Variants in UNC80 observed in about 807,000 individuals in gnomAD.
The protein encoded by UNC80 is protein unc-80 homolog.
In UNC80, 164 loss-of-function variants were observed where a neutral mutation model predicts 384.6. The ratio of observed to expected loss-of-function variants is 0.43; its 90% CI spans 0.38 to 0.49. UNC80 has a LOEUF of 0.49. UNC80 is among the 20% of genes least tolerant of loss of function. The pLI is 0.00. For synonymous variants in UNC80, 1,486 were observed against 1,527.8 expected, an observed-to-expected ratio of 0.97 and a Z score of 0.64; for missense variants, 3,330 against 4,143.0, an observed-to-expected ratio of 0.80 and a Z score of 5.39.
At chr2:209,909,489 T>G (rs1393085044) in intron 29 of UNC80, among the ~76,000 whole-genome samples, 1 of 152,162 alleles carries the variant, frequency 6.6e-6, no homozygotes, top group African/African-American at 2.4e-5. Context: ...TTTTATCCCC[T>G]GGCCAGCTCC....
At chr2:209,914,128 A>G (rs368535021) in intron 31 of UNC80, among the ~76,000 whole-genome samples, 188 bp downstream of exon 31, 99 of 152,310 alleles carry the variant, frequency 6.5e-4, no homozygotes, top group African/African-American at 2.2e-3. Flanking sequence ...CTCCCTTCCA[A>G]TTTCACCATA....
In UNC80 at chr2:209,777,430, T is replaced by G; in HGVS notation, c.471T>G (p.Ser157=). The change falls in exon 4 of 65, where the codon TCT becomes TCG. Residue 157 remains serine, a synonymous_variant. Transcript: ENST00000673920. The part of the protein sequence containing the change: ...AFIHQVENQG[S]PGQPCQSSSN... ...TCCACCAGGTTGAAAACCAGGGTTC[T>G]CCAGGGCAGCCTTGCCAAAGCAGCT... The G allele has an allele frequency of 1.2e-6, 2 of 1,614,174 alleles. No individual in the cohort carries two copies. The highest frequency in any genetic ancestry group is 8.5e-7 in the Non-Finnish European group (1 of 1,180,032).
chr2:209,780,167 G>T (rs2077077520), intron 4 of UNC80, among the ~76,000 whole-genome samples: 1 of 152,158 alleles, frequency 6.6e-6, no homozygotes, highest in Non-Finnish European at 1.5e-5. Flanking sequence ...TCTCCCTTCA[G>T]GAGTGACTAC....
In UNC80 at chr2:209,817,132, AC is replaced by A. The variant is rs773916655; in HGVS notation, c.1552+8del. On this transcript the variant is annotated splice_region_variant and intron_variant, in intron 10 of 64. Transcript: ENST00000673920. The stretch of plus-strand genomic sequence containing the variant: ...TGGCAAACCACCATTTTAGGTGACC[AC>A]AAGGCCTTCCAAAATAGGGCAGAGT... 2 of 1,550,938 alleles carry A rather than the reference AC, an allele frequency of 1.3e-6. No individual in the cohort carries two copies. The highest frequency in any genetic ancestry group is 2.7e-5 in the African/African-American group (2 of 73,030).
intron 2 of UNC80, among the ~76,000 whole-genome samples, chr2:209,775,286 C>G (rs944519546): frequency 1.3e-5 from 2 of 152,048 alleles, no homozygotes; most frequent in African/African-American, 2.4e-5. Context: ...TCCTCCCTCC[C>G]TCCTTCCTGC....
chr2:209,972,245 C>T lies in UNC80; in HGVS notation c.8301C>T (p.Phe2767=), dbSNP rs1298857251. Residue 2767 remains phenylalanine, a synonymous_variant, in exon 55 of 65, where the codon TTC becomes TTT. Coordinates refer to ENST00000673920, the MANE Select transcript of UNC80 (RefSeq NM_001371986.1). ...DFPLSHVISP[F]TNQERREGML... Reference sequence around the variant, plus strand: ...CTTTAAGCCATGTGATCTCCCCATTCACCAATCAAGAGCGAAGGGAGGGGA... The same window carrying T: ...CTTTAAGCCATGTGATCTCCCCATTTACCAATCAAGAGCGAAGGGAGGGGA... The T allele has an allele frequency of 1.3e-6, 2 of 1,551,522 alleles. No individual in the cohort carries two copies. The highest frequency in any genetic ancestry group is 4.9e-5 in the East Asian group (2 of 40,914).
At chr2:209,955,996 G>A (rs1024718858) in intron 48 of UNC80, among the ~76,000 whole-genome samples, 3 of 151,414 alleles carry the variant, frequency 2.0e-5, no homozygotes, top group Non-Finnish European at 4.4e-5. Context: ...CACCCACCTC[G>A]GCCTCCTAAA....
intron 23 of UNC80, among the ~76,000 whole-genome samples, chr2:209,876,334 C>T (rs1323036783): frequency 6.6e-6 from 1 of 152,186 alleles, no homozygotes; most frequent in Admixed American, 6.5e-5. Context: ...TAACAACTTA[C>T]TCAACTTTAT....
intron 26 of UNC80, among the ~76,000 whole-genome samples, chr2:209,893,323 A>C (rs1226999970): frequency 6.6e-6 from 1 of 152,212 alleles, no homozygotes; most frequent in Admixed American, 6.5e-5. Context: ...GTGTGAAAAC[A>C]CCAAATCTTG....
chr2:209,933,691 A>T, intron 38 of UNC80, 131 bp from the exon 39 acceptor site: 1 of 691,494 alleles, frequency 1.4e-6, no homozygotes, highest in Non-Finnish European at 2.3e-6. Context: ...TGAAAGTGTT[A>T]GAGAAGCATC....
intron 22 of UNC80, chr2:209,869,033 T>C (rs2084074141): frequency 6.6e-6 from 1 of 152,208 alleles, no homozygotes; most frequent in African/African-American, 2.4e-5. Context: ...CTCTGTGGTA[T>C]GCCAGTGGTG....
chr2:209,995,657 G>C lies in UNC80; in HGVS notation c.*62G>C. On this transcript the variant is annotated 3_prime_UTR_variant, in exon 65 of 65. Transcript: ENST00000673920. ...CATGAAAGTGATCTCTCTACTACAA[G>C]TTCAATACTTTTGCTTGAAAAAGAT... 1 of 1,497,390 alleles carries C rather than the reference G, an allele frequency of 6.7e-7. No homozygotes were observed. The highest frequency in any genetic ancestry group is 1.3e-5 in the South Asian group (1 of 76,486). The allele number at this position is 1,497,390 out of a possible 1,614,324, so 92.8% of individuals were successfully genotyped here. A position where few individuals can be genotyped will look rare whatever the true frequency, so the allele number is the denominator to read the frequency against.
At chr2:209,912,701 C>CT (rs1346271212) in intron 30 of UNC80, 34 bp downstream of exon 30, 3 of 1,449,324 alleles carry the variant, frequency 2.1e-6, no homozygotes, top group East Asian at 5.0e-5. Context: ...ATTCATGGAA[C>CT]TTTTAACAGG....
At chr2:209,804,467 T>A (rs2078760109) in intron 7 of UNC80, among the ~76,000 whole-genome samples, 1 of 152,044 alleles carries the variant, frequency 6.6e-6, no homozygotes, top group African/African-American at 2.4e-5. Flanking sequence ...GTTTTGGGAG[T>A]CTAATAGCCT....
intron 28 of UNC80, among the ~76,000 whole-genome samples, chr2:209,897,979 T>A (rs1363416854): frequency 2.6e-5 from 4 of 152,208 alleles, no homozygotes; most frequent in Non-Finnish European, 5.9e-5. Context: ...GATTTTTTCA[T>A]TTAATATCAA....
chr2:209,820,782 C>A, intron 13 of UNC80, 103 bp downstream of exon 13: 2 of 1,316,090 alleles, frequency 1.5e-6, no homozygotes, highest in Non-Finnish European at 2.0e-6. Flanking sequence ...CACCTAGTCA[C>A]TAGAGCAAAA....
chr2:209,978,587 G>C lies in UNC80; in HGVS notation c.8997G>C (p.Leu2999=), dbSNP rs1398139720. ...TVGTSTSAYR[L]SLATMSRSNT... is the part of the protein sequence containing the mutation. ...GCACCTCCACCTCTGCTTACCGCCT[G>C]AGCTTGGCCACCATGTCCCGCTCTA... Residue 2999 remains leucine (L), a synonymous_variant, in exon 59 of 65, where the codon CTG becomes CTC. Coordinates refer to ENST00000673920, the MANE Select transcript of UNC80 (RefSeq NM_001371986.1). The C allele has an allele frequency of 2.6e-6, 4 of 1,551,256 alleles. No homozygotes were observed. The highest frequency in any genetic ancestry group is 3.5e-6 in the Non-Finnish European group (4 of 1,146,768).
At chr2:209,776,806 AT>A (rs1441858489) in intron 3 of UNC80, among the ~76,000 whole-genome samples, 2 of 152,210 alleles carry the variant, frequency 1.3e-5, no homozygotes, top group Non-Finnish European at 2.9e-5. Context: ...TTTTTAGAAT[AT>A]TTTACAGATT....
intron 7 of UNC80, among the ~76,000 whole-genome samples, chr2:209,810,664 A>G (rs747480147): frequency 1.3e-5 from 2 of 152,256 alleles, no homozygotes; most frequent in South Asian, 2.1e-4. Flanking sequence ...TCCCTAATCT[A>G]ATTTACTAAC....
Sources: allele counts gnomAD v4.1 joint callset (sites outside exome capture counted in the v4.1 genomes callset), GRCh38; gene constraint gnomAD v4.1.1; transcripts MANE v1.5; gene names NCBI Gene and HGNC (gene_info 2026-07-23, HGNC 2026-07-21).